Variants in CTNND2 observed in about 807,000 individuals in gnomAD.
CTNND2 encodes the protein catenin delta-2.
Under a neutral mutation model 144.4 loss-of-function variants are expected in CTNND2, and 22 were observed. That is an observed-to-expected ratio of 0.15 (90% CI 0.11 to 0.22). The LOEUF is 0.22. CTNND2 is among the 10% of genes least tolerant of loss of function. CTNND2 has a pLI of 1.00. For synonymous variants in CTNND2, 751 were observed against 695.6 expected, an observed-to-expected ratio of 1.08 and a Z score of -1.25; for missense variants, 1,353 against 1,618.8, an observed-to-expected ratio of 0.84 and a Z score of 2.82.
intron 2 of CTNND2, among the ~76,000 whole-genome samples, chr5:11,602,332 G>A (rs1363915542): frequency 6.6e-6 from 1 of 152,036 alleles, no homozygotes; most frequent in African/African-American, 2.4e-5. Flanking sequence ...CATCTGGGAA[G>A]ATCTGAGAAT....
intron 9 of CTNND2, among the ~76,000 whole-genome samples, chr5:11,288,880 G>A (rs1368856748): frequency 6.6e-6 from 1 of 151,966 alleles, no homozygotes; most frequent in Non-Finnish European, 1.5e-5. Flanking sequence ...AAGAGATTCT[G>A]TACTGCAAGA....
At chr5:11,426,762 T>C (rs1440491598) in intron 3 of CTNND2, among the ~76,000 whole-genome samples, 4 of 152,152 alleles carry the variant, frequency 2.6e-5, no homozygotes, top group Non-Finnish European at 4.4e-5. Flanking sequence ...ACATGAAGAA[T>C]TGAGGAGCCC....
At chr5:11,196,795 A>AG (rs61751793) in intron 11 of CTNND2, among the ~76,000 whole-genome samples, 9,123 of 152,308 alleles carry the variant, frequency 0.06, 355 homozygotes, top group Admixed American at 0.11. Flanking sequence ...TCACCACTGT[A>AG]GGGGGCACTG....
At chr5:11,195,922 C>T (rs939698732) in intron 11 of CTNND2, among the ~76,000 whole-genome samples, 3 of 152,170 alleles carry the variant, frequency 2.0e-5, no homozygotes, top group Non-Finnish European at 2.9e-5. Flanking sequence ...ATCATCATCT[C>T]ATAGTAATTA....
chr5:11,692,085 C>T (rs1354247986), intron 2 of CTNND2, among the ~76,000 whole-genome samples: 1 of 152,106 alleles, frequency 6.6e-6, no homozygotes, highest in African/African-American at 2.4e-5. Flanking sequence ...CTAAGAAACA[C>T]CATACATCTA....
At position 11,848,661 on chromosome 5, in the gene CTNND2, C is replaced by T. The variant is rs534525958; in HGVS notation, c.37+55156G>A. On this transcript the variant is annotated intron_variant, in intron 1 of 21. Coordinates refer to ENST00000304623, the MANE Select transcript of CTNND2 (RefSeq NM_001332.4). ...AGCCTGTATCATGCCATGCTTCACA[C>T]TGTTAGTTCAGGCTATGTCTTCCAC... Among the ~76,000 whole-genome samples the T allele has an allele frequency of 2.0e-5, 3 of 152,292 alleles. No individual in the cohort carries two copies. In the East Asian group the frequency reaches 5.8e-4, roughly 29 times the overall value.
intron 1 of CTNND2, among the ~76,000 whole-genome samples, chr5:11,785,824 AC>A (rs1347300710): frequency 1.3e-5 from 2 of 152,206 alleles, no homozygotes; most frequent in Non-Finnish European, 2.9e-5. Context: ...ACACATCAGT[AC>A]TATCAGGACA....
chr5:11,828,526 G>A lies in CTNND2; in HGVS notation c.37+75291C>T, dbSNP rs575326878. Among the ~76,000 whole-genome samples, 18 of 152,056 alleles carry A rather than the reference G, an allele frequency of 1.2e-4. No homozygotes were observed. In the East Asian group the frequency reaches 2.1e-3, roughly 18 times the overall value. ...GCCTGGGCAACAAGAGTGAAACTCCGACTAAAAATAAATAAATAAATAGAA... is the reference window on the plus strand; with the variant it reads ...GCCTGGGCAACAAGAGTGAAACTCCAACTAAAAATAAATAAATAAATAGAA... On this transcript the variant is annotated intron_variant, in intron 1 of 21. Coordinates refer to ENST00000304623, the MANE Select transcript of CTNND2 (RefSeq NM_001332.4).
In CTNND2 at chr5:11,742,659, C is replaced by A. The variant is rs1166335199; in HGVS notation, c.38-10387G>T. 2.0e-5 allele frequency among the ~76,000 whole-genome samples: 3 copies of A among 152,054 alleles called. No homozygotes were observed. In the East Asian group the frequency reaches 5.8e-4, roughly 29 times the overall value. The stretch of plus-strand genomic sequence containing the variant: ...ATAATGAAATATGGCATTAGAACAT[C>A]CCAGGTATTGTTATTTAAATATATA... On this transcript the variant is annotated intron_variant, in intron 1 of 21. Coordinates refer to ENST00000304623, the MANE Select transcript of CTNND2 (RefSeq NM_001332.4).
In CTNND2 at chr5:11,311,362, T is replaced by C. The variant is rs60147808; in HGVS notation, c.1628+35010A>G. Among the ~76,000 whole-genome samples, 359 of 108,362 alleles carry C rather than the reference T, an allele frequency of 3.3e-3. 10 individuals carry two copies. The highest frequency in any genetic ancestry group is 4.3e-3 in the Non-Finnish European group (241 of 56,034). 71.1% of individuals were successfully genotyped at this position (108,362 alleles called of 152,430 possible). ...ACTCCCCATACACCCTCAACCCACA[T>C]GTACATATACTCTAACATTCTCTCC... On this transcript the variant is annotated intron_variant, in intron 9 of 21. Transcript: ENST00000304623.
intron 9 of CTNND2, among the ~76,000 whole-genome samples, chr5:11,323,835 G>A (rs924248016): frequency 6.6e-6 from 1 of 152,180 alleles, no homozygotes; most frequent in African/African-American, 2.4e-5. Flanking sequence ...TGAGCAATAG[G>A]TAATTAAGCA....
intron 2 of CTNND2, among the ~76,000 whole-genome samples, chr5:11,570,624 A>G (rs1581523449): frequency 6.6e-6 from 1 of 151,946 alleles, no homozygotes; most frequent in African/African-American, 2.4e-5. Context: ...GAAAACTTTC[A>G]GAGGTTTTCT....
At chr5:11,568,350 G>T (rs1473559571) in intron 2 of CTNND2, among the ~76,000 whole-genome samples, 1 of 152,138 alleles carries the variant, frequency 6.6e-6, no homozygotes, top group East Asian at 1.9e-4. Flanking sequence ...TTTCTGCACT[G>T]CTGTGTGGAA....
At chr5:11,146,368 A>C (rs10074637) in intron 12 of CTNND2, among the ~76,000 whole-genome samples, 95,599 of 151,724 alleles carry the variant, frequency 0.63, 30,127 homozygotes, top group East Asian at 0.73. Flanking sequence ...CAGGCTGACC[A>C]CAAGGCAGCA....
At chr5:11,372,721 A>G (rs531574946) in intron 7 of CTNND2, among the ~76,000 whole-genome samples, 91 of 152,332 alleles carry the variant, frequency 6.0e-4, no homozygotes, top group South Asian at 1.5e-3. Context: ...AGGCATATGA[A>G]TGCCTTAATT....
rs1322343190 is a variant in CTNND2 at position 11,541,886 on chromosome 5, CTTCCCT to C, written c.287+23052_287+23057del. 8.9e-5 allele frequency among the ~76,000 whole-genome samples: 12 copies of C among 135,036 alleles called. 1 individual carries two copies. Among genetic ancestry groups the C allele is most frequent in the African/African-American group, 3.3e-4 (12 of 36,370 alleles). 88.6% of individuals were successfully genotyped at this position (135,036 alleles called of 152,430 possible). Reference sequence around the variant, plus strand: ...CTTTTCCAACTTTTATTCCTAATTGCTTCCCTCACCCCAAGCAACTTTACCACCACA... The same window carrying C: ...CTTTTCCAACTTTTATTCCTAATTGCCACCCCAAGCAACTTTACCACCACA... On this transcript the variant is annotated intron_variant, in intron 3 of 21. Transcript: ENST00000304623.
intron 12 of CTNND2, among the ~76,000 whole-genome samples, chr5:11,130,259 A>C (rs1357492362): frequency 6.7e-6 from 1 of 149,810 alleles, no homozygotes; most frequent in African/African-American, 2.5e-5. Context: ...TTCATACCAC[A>C]CCCCCCCCAT....
At chr5:11,170,172 T>C (rs16901341) in intron 11 of CTNND2, among the ~76,000 whole-genome samples, 4,471 of 152,280 alleles carry the variant, frequency 0.029, 154 homozygotes, top group East Asian at 0.089. Context: ...CTGTGATGCA[T>C]ATGAACAATC....
chr5:11,486,255 AGGTGATAATATCCAGTAGATCACACTG>A (rs1561463057), intron 3 of CTNND2, among the ~76,000 whole-genome samples: 3 of 152,178 alleles, frequency 2.0e-5, no homozygotes, highest in Non-Finnish European at 4.4e-5. Flanking sequence ...AGATCACACT[AGGTGATAATATCCAGTAGATCACACTG>A]GGTGATAATA....
Sources: gnomAD v4.1 joint callset for allele counts (sites outside exome capture counted in the v4.1 genomes callset) on GRCh38, gnomAD v4.1.1 for gene constraint, MANE v1.5 for transcripts, NCBI Gene and HGNC (gene_info 2026-07-23, HGNC 2026-07-21) for gene names.